The following AAK1 variants were observed in gnomAD, a reference collection of about 807,000 sequenced individuals.
AAK1 encodes AP2-associated protein kinase 1.
AAK1 carries 37 observed loss-of-function variants against 116.0 expected under a neutral mutation model. The observed-to-expected ratio is 0.32, with a 90% confidence interval of 0.25 to 0.42. The LOEUF is 0.42. Ranked by LOEUF, AAK1 falls within the 10% of genes least tolerant of loss-of-function variation. AAK1 has a pLI of 1.00. For synonymous variants in AAK1, 458 were observed against 439.9 expected (o/e 1.04, Z -0.51); for missense variants, 919 against 1,170.6 (o/e 0.79, Z 3.14).
At chr2:69,588,362 TG>T (rs1672879241) in intron 2 of AAK1, among the ~76,000 whole-genome samples, 1 of 152,240 alleles carries the variant, frequency 6.6e-6, no homozygotes, top group Non-Finnish European at 1.5e-5. Context: ...ACTCTAGTTA[TG>T]GGAACTTTTG....
In AAK1 at chr2:69,514,636, C is replaced by T; in HGVS notation, c.1611G>A (p.Gln537=). ...GTTGCTGTTGCTGTTGTTGTTGCTG[C>T]TGCTGCTGCTGCTGGTAGAAATTCT... ...LMQNFYQQQQ[Q]QQQQQQQQQL... is the part of the protein sequence containing the mutation. The change falls in exon 13 of 22, where the codon CAG becomes CAA. Residue 537 remains glutamine, a synonymous_variant. Transcript: ENST00000409085. The T allele has an allele frequency of 6.2e-7, 1 of 1,607,724 alleles. No homozygotes were observed.
In AAK1 at chr2:69,470,921, C is replaced by T. The variant is rs1674654516; in HGVS notation, c.*4948G>A. 6 of 985,668 alleles carry T rather than the reference C, an allele frequency of 6.1e-6. No individual in the cohort carries two copies. Among genetic ancestry groups the T allele is most frequent in the Non-Finnish European group, 7.2e-6 (6 of 829,926 alleles). 61.1% of individuals were successfully genotyped at this position (985,668 alleles called of 1,614,324 possible). ...ATTTACATCTCTAAACATCATGCTC[C>T]CATTTGAACAGATAAAAGTCTTTAT... is the stretch of plus-strand genomic sequence containing the variant. On this transcript the variant is annotated 3_prime_UTR_variant, in exon 22 of 22. Coordinates refer to ENST00000409085, the MANE Select transcript of AAK1 (RefSeq NM_014911.5).
At chr2:69,641,799 G>C (rs141770404) in intron 2 of AAK1, among the ~76,000 whole-genome samples, 258 of 152,124 alleles carry the variant, frequency 1.7e-3, no homozygotes, top group African/African-American at 6.1e-3. Flanking sequence ...CTCTTCCCTT[G>C]CTAATAAAAC....
At chr2:69,620,645 C>A (rs543276355) in intron 2 of AAK1, among the ~76,000 whole-genome samples, 76 of 152,188 alleles carry the variant, frequency 5.0e-4, no homozygotes, top group Non-Finnish European at 8.4e-4. Flanking sequence ...ACCCTCTTTA[C>A]TTCCAACTTT....
Position 69,643,620 on chromosome 2 carries a change from T to G in AAK1, c.-280A>C. The G allele has an allele frequency of 1.6e-6, 2 of 1,228,190 alleles. No homozygotes were observed. The highest frequency in any genetic ancestry group is 2.0e-6 in the Non-Finnish European group (2 of 985,814). 76.1% of individuals were successfully genotyped at this position (1,228,190 alleles called of 1,614,324 possible). A position where few individuals can be genotyped will look rare whatever the true frequency, so the allele number is the denominator to read the frequency against. On this transcript the variant is annotated 5_prime_UTR_variant, in exon 1 of 22. The change abolishes an upstream ATG in the 5' untranslated region. Transcript: ENST00000409085. ...GCGCCCTGCTACCAGCCCCGCGACA[T>G]TGTCACGGCCGCCGGGCCGGCCTGC...
intron 2 of AAK1, among the ~76,000 whole-genome samples, chr2:69,625,585 A>G (rs1231108992): frequency 6.6e-6 from 1 of 152,224 alleles, no homozygotes; most frequent in Non-Finnish European, 1.5e-5. Context: ...AATGTGTCAG[A>G]GTACAGTATG....
At chr2:69,504,610 T>C (rs1383701640) in intron 16 of AAK1, among the ~76,000 whole-genome samples, 6 of 151,734 alleles carry the variant, frequency 4.0e-5, no homozygotes, top group African/African-American at 1.2e-4. Flanking sequence ...TCTACAAACA[T>C]ACAAAAATTA....
intron 3 of AAK1, among the ~76,000 whole-genome samples, chr2:69,551,114 A>G (rs1376980567): frequency 6.6e-6 from 1 of 151,598 alleles, no homozygotes; most frequent in Admixed American, 6.6e-5. Context: ...ACACACCCCA[A>G]CTTTCTTACA....
chr2:69,483,594 C>T (rs967891691), intron 17 of AAK1, among the ~76,000 whole-genome samples: 4 of 152,020 alleles, frequency 2.6e-5, no homozygotes, highest in Non-Finnish European at 5.9e-5. Context: ...GAATCTCTCT[C>T]TTTTTTCGGG....
Position 69,542,511 on chromosome 2 carries a change from T to G in AAK1, c.534+12A>C, listed in dbSNP as rs1374502590. ...GAGTAGAATGCCCGTAATGAAAGAG[T>G]GTGGTCTGTACCTTCAGGTCCCGGT... On this transcript the variant is annotated intron_variant, in intron 5 of 21. Coordinates refer to ENST00000409085, the MANE Select transcript of AAK1 (RefSeq NM_014911.5). 1 of 1,612,564 alleles carries G rather than the reference T, an allele frequency of 6.2e-7. No homozygotes were observed. The highest frequency in any genetic ancestry group is 8.5e-7 in the Non-Finnish European group (1 of 1,179,252).
At chr2:69,617,952 G>A (rs1674418986) in intron 2 of AAK1, among the ~76,000 whole-genome samples, 1 of 152,180 alleles carries the variant, frequency 6.6e-6, no homozygotes, top group Non-Finnish European at 1.5e-5. Flanking sequence ...CAAAGATTCA[G>A]GGAAGTGGTC....
intron 3 of AAK1, among the ~76,000 whole-genome samples, chr2:69,547,300 G>T (rs768009942): frequency 1.3e-5 from 2 of 152,058 alleles, no homozygotes; most frequent in Non-Finnish European, 2.9e-5. Context: ...GTTTCAAATG[G>T]CACTATTAAG....
chr2:69,480,140 A>G (rs1366572637), intron 19 of AAK1, among the ~76,000 whole-genome samples: 2 of 152,088 alleles, frequency 1.3e-5, no homozygotes, highest in Non-Finnish European at 2.9e-5. Context: ...AAAATAAATC[A>G]TAATGTCTTT....
At chr2:69,643,508 G>A in intron 1 of AAK1, 67 bp downstream of exon 1, 1 of 1,223,578 alleles carries the variant, frequency 8.2e-7, no homozygotes, top group Non-Finnish European at 1.0e-6. Context: ...GACCCTCCCG[G>A]GCACTGCCTC....
At chr2:69,578,448 A>G (rs1034753518) in intron 2 of AAK1, among the ~76,000 whole-genome samples, 2 of 151,690 alleles carry the variant, frequency 1.3e-5, no homozygotes, top group Admixed American at 1.3e-4. Flanking sequence ...CTCCTCCCCA[A>G]CTCCCACTGA....
Position 69,466,873 on chromosome 2 carries a change from G to A in AAK1, c.*8996C>T, listed in dbSNP as rs1246028730. The A allele has an allele frequency of 2.0e-6, 2 of 985,228 alleles. No homozygotes were observed. The highest frequency in any genetic ancestry group is 2.4e-6 in the Non-Finnish European group (2 of 829,932). The allele number at this position is 985,228 out of a possible 1,614,324, so 61.0% of individuals were successfully genotyped here. A position where few individuals can be genotyped will look rare whatever the true frequency, so the allele number is the denominator to read the frequency against. ...ACGGACACCTGCTCTACCTGGCACT[G>A]GCTCATTATGGAATGAAAACAAACC... On this transcript the variant is annotated 3_prime_UTR_variant, in exon 22 of 22. Coordinates refer to ENST00000409085, the MANE Select transcript of AAK1 (RefSeq NM_014911.5).
chr2:69,530,411 T>C (rs764773791), intron 7 of AAK1, among the ~76,000 whole-genome samples: 1 of 152,148 alleles, frequency 6.6e-6, no homozygotes, highest in African/African-American at 2.4e-5. Flanking sequence ...TGAAAAAAAA[T>C]CTAAATAATT....
At chr2:69,638,161 G>A (rs1559023739) in intron 2 of AAK1, among the ~76,000 whole-genome samples, 1 of 152,100 alleles carries the variant, frequency 6.6e-6, no homozygotes, top group Non-Finnish European at 1.5e-5. Flanking sequence ...GGATCAAATT[G>A]GTGTTTGCGT....
intron 2 of AAK1, among the ~76,000 whole-genome samples, chr2:69,610,050 CA>C (rs760754177): frequency 0.012 from 638 of 53,522 alleles, no homozygotes; most frequent in Middle Eastern, 0.035. Flanking sequence ...GACTCTGTCT[CA>C]AAAAAAAAAA....
Sources: allele counts gnomAD v4.1 joint callset (sites outside exome capture counted in the v4.1 genomes callset), GRCh38; gene constraint gnomAD v4.1.1; transcripts MANE v1.5; gene names NCBI Gene and HGNC (gene_info 2026-07-23, HGNC 2026-07-21).